Variants in KIAA1217 observed in about 807,000 individuals in gnomAD.
KIAA1217 encodes the protein KIAA1217.
KIAA1217 carries 88 observed loss-of-function variants against 163.9 expected under a neutral mutation model. The ratio of observed to expected loss-of-function variants is 0.54; its 90% CI spans 0.45 to 0.64. The LOEUF is 0.64. KIAA1217 is among the 30% of genes least tolerant of loss of function. The pLI is 0.00. For synonymous variants in KIAA1217, 903 were observed against 923.1 expected, an observed-to-expected ratio of 0.98 and a Z score of 0.39; for missense variants, 2,372 against 2,475.0, an observed-to-expected ratio of 0.96 and a Z score of 0.88.
At chr10:24,060,075 T>C (rs1019169261) in intron 2 of KIAA1217, among the ~76,000 whole-genome samples, 4 of 152,066 alleles carry the variant, frequency 2.6e-5, no homozygotes, top group African/African-American at 9.7e-5. Context: ...GAGTCTTCTC[T>C]TTTTTTTCTT....
chr10:24,425,032 C>G (rs1247043049), intron 3 of KIAA1217, among the ~76,000 whole-genome samples: 2 of 152,224 alleles, frequency 1.3e-5, no homozygotes, highest in Non-Finnish European at 2.9e-5. Flanking sequence ...AGTGTACATT[C>G]TACCAACTCT....
chr10:24,116,332 G>T (rs181244433), intron 2 of KIAA1217, among the ~76,000 whole-genome samples: 506 of 152,212 alleles, frequency 3.3e-3, no homozygotes, highest in African/African-American at 0.012. Context: ...ATCATACAGA[G>T]GAGGAGTCTG....
intron 1 of KIAA1217, among the ~76,000 whole-genome samples, chr10:23,803,692 A>T (rs540043504): frequency 2.6e-5 from 4 of 152,160 alleles, no homozygotes; most frequent in Non-Finnish European, 4.4e-5. Context: ...TACTTTTCTC[A>T]ATTTTAAATC....
chr10:23,746,173 C>G (rs865861362), intron 1 of KIAA1217, among the ~76,000 whole-genome samples: 1 of 152,158 alleles, frequency 6.6e-6, no homozygotes, highest in Non-Finnish European at 1.5e-5. Flanking sequence ...GTAAGTTCTT[C>G]TATTAGTTCC....
intron 1 of KIAA1217, among the ~76,000 whole-genome samples, chr10:23,824,838 C>T (rs1263250426): frequency 6.6e-6 from 1 of 151,606 alleles, no homozygotes; most frequent in African/African-American, 2.4e-5. Flanking sequence ...TTTCCTAAGA[C>T]AGCTCCAGAT....
chr10:24,141,282 C>T (rs1039520542), intron 2 of KIAA1217, among the ~76,000 whole-genome samples: 2 of 125,658 alleles, frequency 1.6e-5, no homozygotes, highest in Admixed American at 1.0e-4. Flanking sequence ...AGAAGGAGAA[C>T]GTTCCCCTCC....
chr10:23,698,850 T>A (rs1836218307), intron 1 of KIAA1217, among the ~76,000 whole-genome samples: 1 of 152,078 alleles, frequency 6.6e-6, no homozygotes, highest in South Asian at 2.1e-4. Context: ...AGTGGCATGA[T>A]CTCTGCTTAC....
At chr10:24,488,115 C>A (rs1248859825) in intron 6 of KIAA1217, among the ~76,000 whole-genome samples, 3 of 152,118 alleles carry the variant, frequency 2.0e-5, no homozygotes, top group South Asian at 4.1e-4. Flanking sequence ...CAAAAAATCG[C>A]CATACTTAGA....
At chr10:24,413,907 G>A (rs1396634690) in intron 3 of KIAA1217, among the ~76,000 whole-genome samples, 2 of 152,054 alleles carry the variant, frequency 1.3e-5, no homozygotes, top group African/African-American at 4.8e-5. Flanking sequence ...ACACTTACTT[G>A]TTTATGAGTT....
rs147811997 is a variant in KIAA1217 at position 23,764,381 on chromosome 10, T to C, written c.-321+69147T>C. On this transcript the variant is annotated intron_variant, in intron 1 of 18. Coordinates refer to the KIAA1217 transcript ENST00000376462. ...GGAGTGTAAATTAGTTCAACCATTG[T>C]GGAAAACAGTGTGGCAATTCCTCAA... is the stretch of plus-strand genomic sequence containing the variant. Among the ~76,000 whole-genome samples the C allele has an allele frequency of 2.2e-3, 340 of 152,304 alleles. 11 individuals carry two copies. The East Asian group carries it at 0.062, about 28-fold the overall frequency.
intron 1 of KIAA1217, among the ~76,000 whole-genome samples, chr10:23,894,729 G>A (rs1488371554): frequency 1.3e-5 from 2 of 149,060 alleles, no homozygotes; most frequent in East Asian, 2.0e-4. Context: ...CACGCTACCT[G>A]ACTTCAAACT....
intron 1 of KIAA1217, among the ~76,000 whole-genome samples, chr10:23,884,792 T>C (rs1396346498): frequency 6.6e-6 from 1 of 151,940 alleles, no homozygotes. Flanking sequence ...CAATGCAGGC[T>C]TCAGGTTTGT....
intron 1 of KIAA1217, among the ~76,000 whole-genome samples, chr10:23,903,660 G>A (rs2131251060): frequency 6.6e-6 from 1 of 152,168 alleles, no homozygotes; most frequent in Admixed American, 6.5e-5. Flanking sequence ...TGTCACAGGA[G>A]GATCTTATGA....
chr10:24,451,436 A>G (rs2061364468), intron 5 of KIAA1217, among the ~76,000 whole-genome samples: 1 of 152,186 alleles, frequency 6.6e-6, no homozygotes, highest in South Asian at 2.1e-4. Context: ...TGCTCTTCCC[A>G]CCTCCTCCTG....
chr10:24,294,231 C>T (rs1332055876), intron 2 of KIAA1217, among the ~76,000 whole-genome samples: 3 of 150,818 alleles, frequency 2.0e-5, no homozygotes, highest in East Asian at 2.0e-4. Flanking sequence ...TTCCTTTCCA[C>T]GTGGAGTGGA....
At chr10:24,287,849 A>C (rs1376819626) in intron 2 of KIAA1217, among the ~76,000 whole-genome samples, 1 of 152,234 alleles carries the variant, frequency 6.6e-6, no homozygotes, top group Non-Finnish European at 1.5e-5. Flanking sequence ...TCGATTCATC[A>C]AACTGTTTAG....
intron 3 of KIAA1217, among the ~76,000 whole-genome samples, chr10:24,388,446 C>T (rs80040972): frequency 0.11 from 17,358 of 152,092 alleles, 1,113 homozygotes; most frequent in South Asian, 0.3. Context: ...GACCTAAAAC[C>T]GCAAAAACCC....
intron 2 of KIAA1217, among the ~76,000 whole-genome samples, chr10:24,012,719 G>A (rs1847290682): frequency 6.6e-6 from 1 of 152,154 alleles, no homozygotes; most frequent in Admixed American, 6.5e-5. Flanking sequence ...CTATTATAGT[G>A]AACTGTAACT....
chr10:24,255,624 TC>T (rs1403167828), intron 2 of KIAA1217: 1 of 437,990 alleles, frequency 2.3e-6, no homozygotes, highest in Non-Finnish European at 4.6e-6. Flanking sequence ...TTCTGGGGTT[TC>T]CCTGCCCCCC....
Sources: allele counts gnomAD v4.1 joint callset (sites outside exome capture counted in the v4.1 genomes callset), GRCh38; gene constraint gnomAD v4.1.1; transcripts MANE v1.5; gene names NCBI Gene and HGNC (gene_info 2026-07-23, HGNC 2026-07-21).